POGLUT1: variants seen among roughly 807,000 people sequenced by gnomAD.
The protein encoded by POGLUT1 is 9630046K23Rik.
A neutral mutation model predicts 61.3 loss-of-function variants in POGLUT1; 32 were observed. That is an observed-to-expected ratio of 0.52 (90% CI 0.39 to 0.70). The LOEUF (loss-of-function observed/expected upper bound fraction) is 0.70. Among genes scored for constraint, POGLUT1 ranks in the 30% least tolerant of loss-of-function variants. The pLI is 0.00. For missense variants in POGLUT1, 411 were observed against 469.8 expected, an observed-to-expected ratio of 0.87 and a Z score of 1.16; for synonymous variants, 158 against 158.2, an observed-to-expected ratio of 1.00 and a Z score of 0.01.
chr3:119,480,033 T>C lies in POGLUT1; in HGVS notation c.457-18T>C, dbSNP rs1357599592. ...GTTCCAAGACTGATTTAGGACGACCTGTCTGTTTTTGTTGAAGACATCAGA... is the reference window on the plus strand; with the variant it reads ...GTTCCAAGACTGATTTAGGACGACCCGTCTGTTTTTGTTGAAGACATCAGA... On this transcript the variant is annotated intron_variant, in intron 4 of 10. Coordinates refer to ENST00000295588, the MANE Select transcript of POGLUT1 (RefSeq NM_152305.3). 2 of 1,612,678 alleles carry C rather than the reference T, an allele frequency of 1.2e-6. No individual in the cohort carries two copies. The highest frequency in any genetic ancestry group is 3.3e-5 in the Admixed American group (2 of 59,952).
At chr3:119,486,979 C>CT in intron 7 of POGLUT1, 47 bp downstream of exon 7, 1 of 1,230,240 alleles carries the variant, frequency 8.1e-7, no homozygotes, top group Non-Finnish European at 1.2e-6. Flanking sequence ...AACATTCTCA[C>CT]TCAAAGAACA....
intron 5 of POGLUT1, among the ~76,000 whole-genome samples, chr3:119,483,906 A>G (rs1195291733): frequency 6.6e-6 from 1 of 152,266 alleles, no homozygotes; most frequent in African/African-American, 2.4e-5. Context: ...AAATGATTGC[A>G]AGGAAATTCT....
At chr3:119,476,808 C>A (rs931209690) in intron 3 of POGLUT1, among the ~76,000 whole-genome samples, 1 of 152,090 alleles carries the variant, frequency 6.6e-6, no homozygotes, top group Non-Finnish European at 1.5e-5. Context: ...TGATAATGTT[C>A]TTTATTCAGG....
intron 4 of POGLUT1, 159 bp from the exon 5 acceptor site, chr3:119,479,892 C>G (rs1422723246): frequency 6.6e-7 from 1 of 1,507,628 alleles, no homozygotes; most frequent in Admixed American, 2.0e-5. Flanking sequence ...TCACTTTTGC[C>G]TTTTAATGTC....
At chr3:119,480,680 A>G (rs147262243) in intron 5 of POGLUT1, among the ~76,000 whole-genome samples, 68 of 152,184 alleles carry the variant, frequency 4.5e-4, no homozygotes, top group African/African-American at 1.6e-3. Context: ...CTAAACTATC[A>G]GCAATGCCTC....
chr3:119,485,637 C>G lies in POGLUT1; in HGVS notation c.638+250C>G, dbSNP rs1456707191. On this transcript the variant is annotated intron_variant, in intron 6 of 10. Transcript: ENST00000295588. ...TTAACAGATATTTTACATAGTGTCA[C>G]AAATGTGTCGGTCATTGATTATGTG... Among the ~76,000 whole-genome samples the G allele has an allele frequency of 1.6e-4, 24 of 152,338 alleles. No homozygotes were observed. In the East Asian group the frequency reaches 4.6e-3, roughly 29 times the overall value.
chr3:119,474,626 A>G (rs2081514816), intron 3 of POGLUT1, among the ~76,000 whole-genome samples: 2 of 152,200 alleles, frequency 1.3e-5, no homozygotes. Flanking sequence ...ACTTGAGGTC[A>G]GGAGTTCGAG....
At position 119,471,145 on chromosome 3, in the gene POGLUT1, G is replaced by C. The variant is rs115913727; in HGVS notation, c.177-164G>C. Among the ~76,000 whole-genome samples the C allele has an allele frequency of 6.6e-5, 10 of 152,338 alleles. No individual in the cohort carries two copies. The South Asian group carries it at 2.1e-3, about 32-fold the overall frequency. ...TTGCTTTATTGCATTTGATGTTTCAGATTACCTACAGGGCTTCTAGGGAAG... is the reference window on the plus strand; with the variant it reads ...TTGCTTTATTGCATTTGATGTTTCACATTACCTACAGGGCTTCTAGGGAAG... On this transcript the variant is annotated intron_variant, in intron 2 of 10. Coordinates refer to ENST00000295588, the MANE Select transcript of POGLUT1 (RefSeq NM_152305.3).
intron 5 of POGLUT1, among the ~76,000 whole-genome samples, chr3:119,482,643 T>G (rs1363855093): frequency 6.6e-6 from 1 of 152,242 alleles, no homozygotes; most frequent in Non-Finnish European, 1.5e-5. Context: ...AAATACAATT[T>G]TGTTTTTTAG....
At position 119,490,702 on chromosome 3, in the gene POGLUT1, GATC is replaced by G. The variant is rs1185099152; in HGVS notation, c.950_952del (p.Asp317_Leu318delinsVal). 6.2e-7 allele frequency: 1 copy of G among 1,614,014 alleles called. No homozygotes were observed. Among genetic ancestry groups the G allele is most frequent in the African/African-American group, 1.3e-5 (1 of 75,044 alleles). On this transcript the variant is annotated inframe_deletion, in exon 9 of 11. Transcript: ENST00000295588. ...GGTTCACTATATCCCAGTCAAAACA[GATC>G]TCTCCAATGTCCAGTAAGCAGTTAT...
At chr3:119,484,639 G>A (rs184621910) in intron 5 of POGLUT1, among the ~76,000 whole-genome samples, 152 of 152,242 alleles carry the variant, frequency 1.0e-3, no homozygotes, top group African/African-American at 3.4e-3. Flanking sequence ...TTCCATTTCT[G>A]ATGCTTTTTT....
chr3:119,489,254 C>T (rs761090848), intron 8 of POGLUT1: 5 of 279,262 alleles, frequency 1.8e-5, no homozygotes, highest in African/African-American at 4.3e-5. Context: ...TATGCCCCAC[C>T]CACCCAATCA....
Position 119,480,143 on chromosome 3 carries a change from G to T in POGLUT1, c.549G>T (p.Arg183=), listed in dbSNP as rs1291610084. 1 of 1,605,428 alleles carries T rather than the reference G, an allele frequency of 6.2e-7. No individual in the cohort carries two copies. Among genetic ancestry groups the T allele is most frequent in the Non-Finnish European group, 8.5e-7 (1 of 1,176,500 alleles). The change falls in exon 5 of 11, where the codon CGG becomes CGT. Residue 183 remains arginine (R), a synonymous_variant. Transcript: ENST00000295588. ...VWPIYPTGLG[R]WDLFREDLVR... ...CAATTTATCCTACAGGTCTTGGACG[G>T]TGGGACCTCTTCAGAGAAGATCTGG...
At chr3:119,476,067 G>A (rs1560031923) in intron 3 of POGLUT1, among the ~76,000 whole-genome samples, 1 of 151,848 alleles carries the variant, frequency 6.6e-6, no homozygotes, top group Non-Finnish European at 1.5e-5. Context: ...GAGGTGAGAA[G>A]ATTGCTTGAG....
Position 119,493,803 on chromosome 3 carries a change from A to ATTTTTTTTTTTTTTTTTTTTTT in POGLUT1, c.*1386_*1387insTTTTTTTTTTTTTTTTTTTTTT, listed in dbSNP as rs58233822. On this transcript the variant is annotated 3_prime_UTR_variant, in exon 11 of 11. Coordinates refer to ENST00000295588, the MANE Select transcript of POGLUT1 (RefSeq NM_152305.3). ...GGAATAAGCAGATGTTTAAAGTTGG[A>ATTTTTTTTTTTTTTTTTTTTTT]TTTTTTTTTTTTTTTTTTTTTGAGT... is the stretch of plus-strand genomic sequence containing the variant. 2 of 119,912 alleles carry ATTTTTTTTTTTTTTTTTTTTTT rather than the reference A, an allele frequency of 1.7e-5. No individual in the cohort carries two copies. The highest frequency in any genetic ancestry group is 3.4e-5 in the African/African-American group (1 of 29,260). The allele number at this position is 119,912 out of a possible 1,614,324, so 7.4% of individuals were successfully genotyped here.
intron 2 of POGLUT1, among the ~76,000 whole-genome samples, chr3:119,470,616 T>A (rs2081458967): frequency 6.6e-6 from 1 of 152,058 alleles, no homozygotes; most frequent in Admixed American, 6.5e-5. Flanking sequence ...GGATGAGGTA[T>A]GGTAGAAAGA....
At position 119,477,342 on chromosome 3, in the gene POGLUT1, A is replaced by C; in HGVS notation, c.350A>C (p.Glu117Ala). 1 of 1,614,070 alleles carries C rather than the reference A, an allele frequency of 6.2e-7. No individual in the cohort carries two copies. The highest frequency in any genetic ancestry group is 8.5e-7 in the Non-Finnish European group (1 of 1,179,962). Residue 117 changes from glutamate (E) to alanine (A), a missense_variant, in exon 4 of 11, where the codon GAA becomes GCA. Transcript: ENST00000295588. ...AGTGGTGTTGAGCACTTTATTTTGG[A>C]AGTGATCGGGCGTCTCCCTGACATG... ...RCSGVEHFIL[E>A]VIGRLPDMEM...
chr3:119,478,622 A>G (rs986056173), intron 4 of POGLUT1: 9 of 343,780 alleles, frequency 2.6e-5, no homozygotes, highest in African/African-American at 1.9e-4. Flanking sequence ...GGAGAGTTTT[A>G]CTCTGTCAAC....
chr3:119,472,789 G>A (rs972005593), intron 3 of POGLUT1, among the ~76,000 whole-genome samples: 5 of 152,202 alleles, frequency 3.3e-5, no homozygotes, highest in African/African-American at 4.8e-5. Flanking sequence ...CCAGCACTTC[G>A]GGAAGTCAAT....
Sources: allele counts gnomAD v4.1 joint callset (sites outside exome capture counted in the v4.1 genomes callset), GRCh38; gene constraint gnomAD v4.1.1; transcripts MANE v1.5; gene names NCBI Gene and HGNC (gene_info 2026-07-23, HGNC 2026-07-21).